Variants in TMEM71 observed in about 807,000 individuals in gnomAD.
The protein encoded by TMEM71 is transmembrane protein 71.
Under a neutral mutation model 38.0 loss-of-function variants are expected in TMEM71, and 44 were observed. That is an observed-to-expected ratio of 1.16 (90% CI 0.91 to 1.49). The LOEUF is 1.49. Among genes scored for constraint, TMEM71 ranks in the 40% most tolerant of loss-of-function variants. The probability of loss-of-function intolerance (pLI) is 0.00; values close to 1 mark genes in which losing one functional copy is unlikely to be tolerated. For missense variants in TMEM71, 367 were observed against 348.6 expected, an observed-to-expected ratio of 1.05 and a Z score of -0.42; for synonymous variants, 133 against 122.5, an observed-to-expected ratio of 1.09 and a Z score of -0.56.
At position 132,727,804 on chromosome 8, in the gene TMEM71, G is replaced by C. The variant is rs1827231971; in HGVS notation, c.670C>G (p.His224Asp). The change falls in exon 6 of 10, where the codon CAT becomes GAT. Residue 224 changes from histidine (H) to aspartate (D), a missense_variant. Physicochemically the swap from His to Asp is moderately conservative, Grantham distance 81. Coordinates refer to ENST00000677595, the MANE Select transcript of TMEM71 (RefSeq NM_001382403.1). ...SERFQENSSD[H>D]SETRLLQEVF... ...TTAAAACACCTGAACTCACCTGAAT[G>C]ATCCGAACTATTCTCTTGGAAACGT... 1 of 1,607,770 alleles carries C rather than the reference G, an allele frequency of 6.2e-7. No individual in the cohort carries two copies. The highest frequency in any genetic ancestry group is 8.5e-7 in the Non-Finnish European group (1 of 1,177,114).
At chr8:132,757,825 CAAAAAAAAAA>C (rs56859505) in intron 2 of TMEM71, among the ~76,000 whole-genome samples, 8 of 107,186 alleles carry the variant, frequency 7.5e-5, no homozygotes, top group African/African-American at 3.1e-4. Context: ...GATTCTGTCT[CAAAAAAAAAA>C]AAAAAAAAAA....
chr8:132,712,155 G>A (rs1826269348), intron 9 of TMEM71, among the ~76,000 whole-genome samples: 1 of 152,114 alleles, frequency 6.6e-6, no homozygotes, highest in Non-Finnish European at 1.5e-5. Context: ...GAAGTCAATA[G>A]TCCTTGTTTT....
chr8:132,741,336 G>T (rs1828023420), intron 5 of TMEM71, among the ~76,000 whole-genome samples: 1 of 152,150 alleles, frequency 6.6e-6, no homozygotes. Context: ...AGGGTCGGTG[G>T]GTCTCTCCCC....
chr8:132,769,734 C>A, the TMEM71 span, among the ~76,000 whole-genome samples: 1 of 152,200 alleles, frequency 6.6e-6, no homozygotes, highest in South Asian at 2.1e-4. Flanking sequence ...CAATTGGCAC[C>A]TTGATCTTGG....
At chr8:132,717,466 A>G (rs1015047295) in intron 7 of TMEM71, among the ~76,000 whole-genome samples, 2 of 152,240 alleles carry the variant, frequency 1.3e-5, no homozygotes, top group Admixed American at 6.5e-5. Context: ...TACACAAACA[A>G]ACATCCAATA....
chr8:132,761,636 C>T (rs1005138046), upstream of TMEM71, among the ~76,000 whole-genome samples: 2 of 152,190 alleles, frequency 1.3e-5, no homozygotes, highest in African/African-American at 4.8e-5. Context: ...AGTTCTCTGT[C>T]TCTGGAACTT....
intron 4 of TMEM71, among the ~76,000 whole-genome samples, chr8:132,747,908 C>G (rs2467974): frequency 0.3 from 46,308 of 152,064 alleles, 7,276 homozygotes; most frequent in Non-Finnish European, 0.33. Context: ...CTACAGGGAA[C>G]AGATTAGTGA....
At chr8:132,707,061 T>C (rs910048086), downstream of TMEM71, among the ~76,000 whole-genome samples, 2 of 152,260 alleles carry the variant, frequency 1.3e-5, no homozygotes, top group Non-Finnish European at 2.9e-5. Context: ...AAAATTCCAA[T>C]GGAGTAAAGT....
rs1826164914 is a variant in TMEM71, at chr8:132,710,117, A to T, written c.*850T>A. 6.6e-6 allele frequency: 1 copy of T among 152,142 alleles called. No individual in the cohort carries two copies. The highest frequency in any genetic ancestry group is 2.1e-4 in the South Asian group (1 of 4,830). 9.4% of individuals were successfully genotyped at this position (152,142 alleles called of 1,614,324 possible). The stretch of plus-strand genomic sequence containing the variant: ...ATAGAACAAATTTGAATTACAGGCC[A>T]TATTTGCTTTGTGAACACGCACCAA... On this transcript the variant is annotated 3_prime_UTR_variant, in exon 10 of 10. Coordinates refer to ENST00000677595, the MANE Select transcript of TMEM71 (RefSeq NM_001382403.1).
chr8:132,746,887 A>T, intron 5 of TMEM71, 55 bp downstream of exon 5: 1 of 1,452,598 alleles, frequency 6.9e-7, no homozygotes, highest in Admixed American at 2.4e-5. Context: ...CCACAGGGTT[A>T]CCACTGCCCA....
At chr8:132,757,154 C>T in intron 3 of TMEM71, 80 bp downstream of exon 3, 1 of 1,027,660 alleles carries the variant, frequency 9.7e-7, no homozygotes, top group Non-Finnish European at 1.5e-6. Flanking sequence ...CCTCGGCCTC[C>T]CAAAGTGCTG....
chr8:132,742,751 T>A (rs193300462), intron 5 of TMEM71, among the ~76,000 whole-genome samples: 1 of 152,328 alleles, frequency 6.6e-6, no homozygotes, highest in Non-Finnish European at 1.5e-5. Context: ...GCAAACCCAT[T>A]TTTAATTCAG....
downstream of TMEM71, among the ~76,000 whole-genome samples, chr8:132,706,531 A>G (rs545607067): frequency 1.1e-4 from 17 of 152,194 alleles, no homozygotes; most frequent in South Asian, 3.5e-3. Flanking sequence ...ATGAGGTACA[A>G]AGTATATAGA....
At chr8:132,718,633 G>A (rs564053478) in intron 7 of TMEM71, among the ~76,000 whole-genome samples, 20 of 151,532 alleles carry the variant, frequency 1.3e-4, no homozygotes, top group Middle Eastern at 3.5e-3. Context: ...TCCTGACTTC[G>A]TGATCCATCT....
chr8:132,757,087 G>C (rs1387759488), intron 3 of TMEM71, 147 bp downstream of exon 3: 1 of 400,934 alleles, frequency 2.5e-6, no homozygotes, highest in Non-Finnish European at 4.8e-6. Context: ...TAGTGGAGAC[G>C]GGGTTTCACC....
At chr8:132,741,939 G>T (rs1046420387) in intron 5 of TMEM71, among the ~76,000 whole-genome samples, 1 of 152,182 alleles carries the variant, frequency 6.6e-6, no homozygotes, top group East Asian at 1.9e-4. Context: ...TTTTGCTACC[G>T]CTAAACCTCG....
intron 7 of TMEM71, among the ~76,000 whole-genome samples, chr8:132,718,213 T>C (rs1448009041): frequency 6.6e-6 from 1 of 152,198 alleles, no homozygotes; most frequent in African/African-American, 2.4e-5. Flanking sequence ...AAAGGTGCAC[T>C]TAAAAATAAT....
the TMEM71 span, among the ~76,000 whole-genome samples, chr8:132,766,466 G>T: frequency 6.6e-6 from 1 of 151,924 alleles, no homozygotes; most frequent in African/African-American, 2.4e-5. Context: ...CTCCACATTG[G>T]TCACAAATAT....
chr8:132,731,296 G>T (rs560299764), intron 5 of TMEM71, among the ~76,000 whole-genome samples: 1 of 152,300 alleles, frequency 6.6e-6, no homozygotes, highest in South Asian at 2.1e-4. Context: ...ACTTCATGGG[G>T]AGTAGGGGGT....
Sources: allele counts gnomAD v4.1 joint callset (sites outside exome capture counted in the v4.1 genomes callset), GRCh38; gene constraint gnomAD v4.1.1; transcripts MANE v1.5; gene names NCBI Gene and HGNC (gene_info 2026-07-23, HGNC 2026-07-21).